The following ZNF142 variants were observed in gnomAD, a reference collection of about 807,000 sequenced individuals.
The protein encoded by ZNF142 is zinc finger protein 142 (clone pHZ-49).
ZNF142 carries 96 observed loss-of-function variants against 132.1 expected under a neutral mutation model. The ratio of observed to expected loss-of-function variants is 0.73; its 90% CI spans 0.62 to 0.86. ZNF142 has a LOEUF of 0.86. Among genes scored for constraint, ZNF142 ranks in the 40% least tolerant of loss-of-function variants. The pLI is 0.00. For synonymous variants in ZNF142, 842 were observed against 890.1 expected (o/e 0.95, Z 0.96); for missense variants, 2,163 against 2,336.2 (o/e 0.93, Z 1.53).
chr2:218,646,356 G>T lies in ZNF142; in HGVS notation c.1874-8C>A. 1 of 1,613,824 alleles carries T rather than the reference G, an allele frequency of 6.2e-7. No individual in the cohort carries two copies. ...ACTTGTGGGGCTTCTCACCTTATAT[G>T]GGGGATGCGGATGAAGGGAGAGAAC... is the stretch of plus-strand genomic sequence containing the variant. On this transcript the variant is annotated splice_polypyrimidine_tract_variant and splice_region_variant and intron_variant, in intron 7 of 10. Coordinates refer to ENST00000411696, the MANE Select transcript of ZNF142 (RefSeq NM_001379659.1).
In ZNF142 at chr2:218,652,030, T is replaced by A; in HGVS notation, c.551A>T (p.Lys184Met). The A allele has an allele frequency of 1.9e-6, 1 of 517,252 alleles. No homozygotes were observed. Among genetic ancestry groups the A allele is most frequent in the Non-Finnish European group, 3.5e-6 (1 of 282,636 alleles). 32.0% of individuals were successfully genotyped at this position (517,252 alleles called of 1,614,324 possible). ...GGTGTCAGGAGTGCCCCGGTGAATC[T>A]TGAAGTGGCTCTTCAGGGCCTGGGG... is the stretch of plus-strand genomic sequence containing the variant. ...AQPQALKSHF[K>M]IHRGTPDTFS... The change falls in exon 5 of 11, where the codon AAG (lysine) becomes ATG (methionine). Residue 184 changes from lysine to methionine, a missense_variant. Physicochemically the swap from Lys to Met is moderately conservative, Grantham distance 95 (BLOSUM62 -1). Transcript: ENST00000411696.
intron 5 of ZNF142, 27 bp downstream of exon 5, chr2:218,651,674 G>C (rs1938005307): frequency 1.6e-6 from 2 of 1,251,016 alleles, no homozygotes; most frequent in African/African-American, 1.5e-5. Flanking sequence ...CTCCAGGAGA[G>C]GAACTGCTTG....
rs749115363 is a variant in ZNF142, at chr2:218,636,347, G to A, written c.*1992C>T. ...GGATTATGACTGGAAATCCCGAAAT[G>A]ACTTTATTGGTCAGTACACCCTGCC... On this transcript the variant is annotated 3_prime_UTR_variant, in exon 11 of 11. Transcript: ENST00000411696. The A allele has an allele frequency of 3.1e-6, 5 of 1,614,016 alleles. No homozygotes were observed. The South Asian group carries it at 5.5e-5, about 18-fold the overall frequency.
In ZNF142 at chr2:218,643,131, G is replaced by A. The variant is rs1019001640; in HGVS notation, c.3985C>T (p.Leu1329Phe). ...LRTHQIRGCP[L>F]EESGELHCSL... ...CAGTGCAGCTCTCCAGACTCCTCGAGGGGGCAGCCCCGGATCTGGTGAGTC... is the reference window on the plus strand; with the variant it reads ...CAGTGCAGCTCTCCAGACTCCTCGAAGGGGCAGCCCCGGATCTGGTGAGTC... Residue 1329 changes from leucine to phenylalanine, a missense_variant, in exon 9 of 11, where the codon CTC becomes TTC. Leu to Phe is a conservative substitution (Grantham distance 22, BLOSUM62 0). Coordinates refer to ENST00000411696, the MANE Select transcript of ZNF142 (RefSeq NM_001379659.1). 3 of 1,613,874 alleles carry A rather than the reference G, an allele frequency of 1.9e-6. No individual in the cohort carries two copies. The highest frequency in any genetic ancestry group is 2.2e-5 in the East Asian group (1 of 44,896).
intron 4 of ZNF142, among the ~76,000 whole-genome samples, chr2:218,652,888 T>TTA (rs1458574768): frequency 6.6e-6 from 1 of 152,142 alleles, no homozygotes; most frequent in African/African-American, 2.4e-5. Context: ...TTAAGACTAC[T>TTA]ATGTTTATTA....
intron 9 of ZNF142, among the ~76,000 whole-genome samples, chr2:218,641,466 G>A (rs6716606): frequency 0.059 from 8,765 of 149,754 alleles, 710 homozygotes; most frequent in African/African-American, 0.19. Flanking sequence ...GGATGGTCTC[G>A]ATCTCCTGAC....
chr2:218,634,033 G>A lies in ZNF142; in HGVS notation c.*4306C>T. The A allele has an allele frequency of 6.5e-7, 1 of 1,532,630 alleles. No homozygotes were observed. Among genetic ancestry groups the A allele is most frequent in the South Asian group, 1.2e-5 (1 of 81,814 alleles). 94.9% of individuals were successfully genotyped at this position (1,532,630 alleles called of 1,614,324 possible). A position where few individuals can be genotyped will look rare whatever the true frequency, so the allele number is the denominator to read the frequency against. ...TGCTGGAGAGAAGGGTGAAGAGTAGGCATGGTCCTTGGGACTAGGGAAGTG... is the reference window on the plus strand; with the variant it reads ...TGCTGGAGAGAAGGGTGAAGAGTAGACATGGTCCTTGGGACTAGGGAAGTG... On this transcript the variant is annotated 3_prime_UTR_variant, in exon 11 of 11. Coordinates refer to ENST00000411696, the MANE Select transcript of ZNF142 (RefSeq NM_001379659.1). This position sits in a 1 kb window ranked among gnomAD's most constrained non-coding sequence, Gnocchi z 4.0.
At chr2:218,650,169 T>C (rs908286887) in intron 6 of ZNF142, among the ~76,000 whole-genome samples, 190 bp downstream of exon 6, 6 of 152,228 alleles carry the variant, frequency 3.9e-5, no homozygotes, top group African/African-American at 1.4e-4. Flanking sequence ...CCCAATGCTA[T>C]ATTACTAAAG....
chr2:218,640,655 C>T lies in ZNF142; in HGVS notation c.5194+9G>A, dbSNP rs1559285765. The T allele has an allele frequency of 6.2e-7, 1 of 1,613,764 alleles. No individual in the cohort carries two copies. Among genetic ancestry groups the T allele is most frequent in the Non-Finnish European group, 8.5e-7 (1 of 1,179,692 alleles). On this transcript the variant is annotated intron_variant, in intron 10 of 10. Transcript: ENST00000411696. Reference sequence around the variant, plus strand: ...ACCCTTCAGGCCTGTCGAAACCACACAGACTCACCTGTATGCTTGGTCATG... The same window carrying T: ...ACCCTTCAGGCCTGTCGAAACCACATAGACTCACCTGTATGCTTGGTCATG...
intron 9 of ZNF142, 62 bp from the exon 10 acceptor site, chr2:218,640,831 A>G: frequency 7.4e-7 from 1 of 1,342,774 alleles, no homozygotes; most frequent in Non-Finnish European, 1.1e-6. Flanking sequence ...GTTAGCTGTT[A>G]TTATCCAGGT....
Position 218,644,884 on chromosome 2 carries a change from G to C in ZNF142, c.2232C>G (p.Tyr744Ter). ...TCTGGTAACTGCAGTAGTGGCAAGG[G>C]TAGAGTGGGGCCGGTGTGCCAGGGT... ...QHHPGTPAPL[Y>*]PCHYCSYQSR... The change falls in exon 9 of 11, where the codon TAC becomes TAG. Residue 744 changes from tyrosine to a stop codon, truncating the protein, a stop_gained. Coordinates refer to ENST00000411696, the MANE Select transcript of ZNF142 (RefSeq NM_001379659.1). LOFTEE classifies it high-confidence loss of function. The surrounding 1 kb of genome is among the most constrained non-coding windows in gnomAD (Gnocchi z 4.6). 1 of 1,614,084 alleles carries C rather than the reference G, an allele frequency of 6.2e-7. No homozygotes were observed. Among genetic ancestry groups the C allele is most frequent in the Non-Finnish European group, 8.5e-7 (1 of 1,179,960 alleles).
chr2:218,638,828 T>G lies in ZNF142; in HGVS notation c.5195-20A>C. Reference sequence around the variant, plus strand: ...TCAGTCCTACAGGACAGGGAACAAATCACCATTGAAAGGCGGTGGAGCAAG... The same window carrying G: ...TCAGTCCTACAGGACAGGGAACAAAGCACCATTGAAAGGCGGTGGAGCAAG... On this transcript the variant is annotated intron_variant, in intron 10 of 10. Coordinates refer to ENST00000411696, the MANE Select transcript of ZNF142 (RefSeq NM_001379659.1). 2 of 1,563,360 alleles carry G rather than the reference T, an allele frequency of 1.3e-6. No individual in the cohort carries two copies. The highest frequency in any genetic ancestry group is 8.6e-7 in the Non-Finnish European group (1 of 1,157,876).
chr2:218,636,625 G>A lies in ZNF142; in HGVS notation c.*1714C>T. 6.4e-7 allele frequency: 1 copy of A among 1,553,064 alleles called. No individual in the cohort carries two copies. Among genetic ancestry groups the A allele is most frequent in the South Asian group, 1.1e-5 (1 of 88,474 alleles). ...TTGGTGTGCTGGCTTTAGACGGGGA[G>A]AAACATCTGGAAGGATGCTCGAGAG... On this transcript the variant is annotated 3_prime_UTR_variant, in exon 11 of 11. Coordinates refer to ENST00000411696, the MANE Select transcript of ZNF142 (RefSeq NM_001379659.1).
intron 7 of ZNF142, among the ~76,000 whole-genome samples, chr2:218,646,596 T>A (rs1490324154): frequency 1.3e-5 from 2 of 151,938 alleles, no homozygotes; most frequent in Admixed American, 6.5e-5. Context: ...TTTTTTTTTT[T>A]AAATTGAGAC....
chr2:218,643,084 A>AGCAGTGAATGGGCAGAGGCT lies in ZNF142; in HGVS notation c.4012_4031dup (p.Pro1345AlafsTer13). The AGCAGTGAATGGGCAGAGGCT allele has an allele frequency of 6.2e-7, 1 of 1,607,644 alleles. No individual in the cohort carries two copies. Among genetic ancestry groups the AGCAGTGAATGGGCAGAGGCT allele is most frequent in the Non-Finnish European group, 8.5e-7 (1 of 1,176,870 alleles). On this transcript the variant is annotated frameshift_variant, in exon 9 of 11. Coordinates refer to ENST00000411696, the MANE Select transcript of ZNF142 (RefSeq NM_001379659.1). LOFTEE classifies it high-confidence loss of function. ...GGAGCCTTAAGGCAGTGGCAGCAGG[A>AGCAGTGAATGGGCAGAGGCT]GCAGTGAATGGGCAGAGGCTGCAGT...
At position 218,646,183 on chromosome 2, in the gene ZNF142, G is replaced by C; in HGVS notation, c.2039C>G (p.Ala680Gly). The change falls in exon 8 of 11, where the codon GCA (alanine) becomes GGA (glycine). Residue 680 changes from alanine (A) to glycine (G), a missense_variant. By Grantham distance (60) the Ala-to-Gly change is moderately conservative (BLOSUM62 0). Coordinates refer to ENST00000411696, the MANE Select transcript of ZNF142 (RefSeq NM_001379659.1). ...HYLRVHMRKHAGDLRYQCNQC... is the reference protein window; with the variant it reads ...HYLRVHMRKHGGDLRYQCNQC... The stretch of plus-strand genomic sequence containing the variant: ...GTGTGTGTTGTACCTGAGGTCCCCT[G>C]CATGTTTTCGCATGTGCACACGGAG... 6.2e-7 allele frequency: 1 copy of C among 1,613,590 alleles called. No homozygotes were observed. Among genetic ancestry groups the C allele is most frequent in the East Asian group, 2.2e-5 (1 of 44,890 alleles).
chr2:218,658,441 T>A (rs1938831353), intron 3 of ZNF142, among the ~76,000 whole-genome samples: 1 of 151,982 alleles, frequency 6.6e-6, no homozygotes, highest in African/African-American at 2.4e-5. Context: ...CTCGGGAGGC[T>A]GAGGCAGGAG....
At position 218,644,499 on chromosome 2, in the gene ZNF142, C is replaced by G; in HGVS notation, c.2617G>C (p.Ala873Pro). 1 of 1,613,978 alleles carries G rather than the reference C, an allele frequency of 6.2e-7. No homozygotes were observed. The highest frequency in any genetic ancestry group is 8.5e-7 in the Non-Finnish European group (1 of 1,179,998). Residue 873 changes from alanine to proline, a missense_variant, in exon 9 of 11, where the codon GCT (alanine) becomes CCT (proline). Coordinates refer to ENST00000411696, the MANE Select transcript of ZNF142 (RefSeq NM_001379659.1). The surrounding 1 kb of genome is among the most constrained non-coding windows in gnomAD (Gnocchi z 4.6). Reference sequence around the variant, plus strand: ...CCACCCAGGTCACCCCCATGGGGAGCCTCACTGCCCTCCTGTCTTCCAGTG... The same window carrying G: ...CCACCCAGGTCACCCCCATGGGGAGGCTCACTGCCCTCCTGTCTTCCAGTG... The part of the protein sequence containing the change: ...VNTGRQEGSE[A>P]PHGGDLGGSP...
At position 218,642,909 on chromosome 2, in the gene ZNF142, G is replaced by T. The variant is rs371985659; in HGVS notation, c.4207C>A (p.Pro1403Thr). 2.6e-5 allele frequency: 42 copies of T among 1,613,924 alleles called. No individual in the cohort carries two copies. The African/African-American group carries it at 5.3e-4, about 20-fold the overall frequency. Residue 1403 changes from proline (P) to threonine (T), a missense_variant, in exon 9 of 11, where the codon CCC (proline) becomes ACC (threonine). Pro to Thr is a conservative substitution (Grantham distance 38). Around this residue, in one of 7 missense-constraint regions of ZNF142, gnomAD observed 809 missense variants for 801.7 expected, o/e 1.01. Transcript: ENST00000411696. This position sits in a 1 kb window ranked among gnomAD's most constrained non-coding sequence, Gnocchi z 4.6. ...KHEGVKPHQC[P>T]FCDFSTTRRY... ...CTGGTGGTCGAAAAGTCACAGAAGG[G>T]GCACTGATGGGGCTTCACCCCCTCG...
Sources: allele counts gnomAD v4.1 joint callset (sites outside exome capture counted in the v4.1 genomes callset), GRCh38; gene constraint gnomAD v4.1.1; regional missense constraint gnomAD v4.1.1; non-coding constraint Gnocchi (gnomAD v3.1); transcripts MANE v1.5; gene names NCBI Gene and HGNC (gene_info 2026-07-23, HGNC 2026-07-21).